CEP192: variants seen among roughly 807,000 people sequenced by gnomAD.
CEP192 encodes centrosomal protein 192, also known as centrosomal protein of 192 kDa.
A neutral mutation model predicts 271.8 loss-of-function variants in CEP192; 151 were observed. The observed-to-expected ratio is 0.56, with a 90% confidence interval of 0.49 to 0.64. The LOEUF (loss-of-function observed/expected upper bound fraction) is 0.64, where lower values mean the gene tolerates loss of function less well. Among genes scored for constraint, CEP192 ranks in the 30% least tolerant of loss-of-function variants. The pLI is 0.00. For missense variants in CEP192, 2,910 were observed against 3,020.5 expected, an observed-to-expected ratio of 0.96 and a Z score of 0.86; for synonymous variants, 995 against 1,076.5, an observed-to-expected ratio of 0.92 and a Z score of 1.48.
At chr18:13,065,265 A>G (rs1265135178) in intron 21 of CEP192, among the ~76,000 whole-genome samples, 1 of 152,094 alleles carries the variant, frequency 6.6e-6, no homozygotes, top group Admixed American at 6.6e-5. Flanking sequence ...TAGACAAGAT[A>G]ATTTCCCAAG....
chr18:13,083,136 T>G (rs2038712969), intron 30 of CEP192, among the ~76,000 whole-genome samples: 1 of 152,198 alleles, frequency 6.6e-6, no homozygotes, highest in Admixed American at 6.5e-5. Context: ...TTTGTGGTGT[T>G]CTCTGTATTT....
intron 15 of CEP192, among the ~76,000 whole-genome samples, chr18:13,046,218 A>G (rs989866665): frequency 6.6e-6 from 1 of 152,110 alleles, no homozygotes; most frequent in Non-Finnish European, 1.5e-5. Flanking sequence ...AAGGTGCCAC[A>G]CACTTCAAAC....
At chr18:13,103,786 G>A (rs2039827136) in intron 39 of CEP192, 198 bp downstream of exon 39, 2 of 630,862 alleles carry the variant, frequency 3.2e-6, no homozygotes, top group East Asian at 3.2e-5. Flanking sequence ...AACCTCCCAG[G>A]CTCAAGCAAT....
At chr18:13,093,384 C>T (rs58586405) in intron 34 of CEP192, among the ~76,000 whole-genome samples, 5,334 of 152,300 alleles carry the variant, frequency 0.035, 284 homozygotes, top group African/African-American at 0.12. Context: ...AATCTAACAT[C>T]ACATGATGCA....
In CEP192 at chr18:13,029,879, G is replaced by A. The variant is rs1483888999; in HGVS notation, c.1267G>A (p.Val423Met). ...ETPTVSIQEN[V>M]DVASLKPISD... ...TCCTACGGTGTCCATTCAAGAAAATGTGGATGTAGCCTCTTTGAAGCCCAT... is the reference window on the plus strand; with the variant it reads ...TCCTACGGTGTCCATTCAAGAAAATATGGATGTAGCCTCTTTGAAGCCCAT... Residue 423 changes from valine to methionine, a missense_variant, in exon 10 of 45, where the codon GTG (valine) becomes ATG (methionine). Physicochemically the swap from Val to Met is conservative, Grantham distance 21. Transcript: ENST00000506447. 3 of 1,551,720 alleles carry A rather than the reference G, an allele frequency of 1.9e-6. No homozygotes were observed. The highest frequency in any genetic ancestry group is 2.6e-6 in the Non-Finnish European group (3 of 1,146,984).
intron 21 of CEP192, among the ~76,000 whole-genome samples, chr18:13,066,122 G>C (rs142948578): frequency 8.3e-4 from 127 of 152,196 alleles, no homozygotes; most frequent in African/African-American, 3.0e-3. Context: ...CCTTCAACTA[G>C]ATAAAGACAG....
At chr18:13,062,611 G>T (rs943268822) in intron 21 of CEP192, among the ~76,000 whole-genome samples, 5 of 150,562 alleles carry the variant, frequency 3.3e-5, no homozygotes, top group African/African-American at 1.2e-4. Flanking sequence ...TTTTTTGTGG[G>T]TACCTAAATA....
chr18:13,101,924 C>T (rs936994742), intron 38 of CEP192, among the ~76,000 whole-genome samples: 2 of 152,156 alleles, frequency 1.3e-5, no homozygotes, highest in African/African-American at 2.4e-5. Context: ...TCACAGGCTT[C>T]CATGACTGCC....
chr18:12,993,882 A>G (rs1434764509), intron 1 of CEP192, among the ~76,000 whole-genome samples: 2 of 152,246 alleles, frequency 1.3e-5, no homozygotes, highest in East Asian at 1.9e-4. Flanking sequence ...ACTAGGGGTT[A>G]TAGATTCTTT....
In CEP192 at chr18:13,055,884, T is replaced by C; in HGVS notation, c.3294T>C (p.Asn1098=). 6.2e-7 allele frequency: 1 copy of C among 1,613,780 alleles called. No individual in the cohort carries two copies. Among genetic ancestry groups the C allele is most frequent in the African/African-American group, 1.3e-5 (1 of 75,010 alleles). ...EKLREKVPFQ[N]RGKGTLSSII... is the part of the protein sequence containing the mutation. ...TGAGAGAAAAAGTTCCATTTCAGAA[T>C]AGAGGAAAAGGAACATTATCATCTA... Residue 1098 remains asparagine (N), a synonymous_variant, in exon 19 of 45, where the codon AAT becomes AAC. Transcript: ENST00000506447.
rs2037268978 is a variant in CEP192, at chr18:13,059,064, T to C, written c.4258-18T>C. On this transcript the variant is annotated intron_variant, in intron 20 of 44. Coordinates refer to ENST00000506447, the MANE Select transcript of CEP192 (RefSeq NM_032142.4). ...GTGTGAAGCCATTAATAACGAACTT[T>C]ATGGCTCTTTTTTGAAGGTGGATCT... 2 of 1,550,830 alleles carry C rather than the reference T, an allele frequency of 1.3e-6. No homozygotes were observed. Among genetic ancestry groups the C allele is most frequent in the South Asian group, 1.1e-5 (1 of 89,672 alleles).
Position 12,999,407 on chromosome 18 carries a change from T to C in CEP192, c.-4-14T>C, listed in dbSNP as rs1372483535. 6.6e-7 allele frequency: 1 copy of C among 1,510,340 alleles called. No homozygotes were observed. Among genetic ancestry groups the C allele is most frequent in the Admixed American group, 2.2e-5 (1 of 44,510 alleles). 93.6% of individuals were successfully genotyped at this position (1,510,340 alleles called of 1,614,324 possible). On this transcript the variant is annotated splice_polypyrimidine_tract_variant and intron_variant, in intron 1 of 44. Coordinates refer to ENST00000506447, the MANE Select transcript of CEP192 (RefSeq NM_032142.4). ...AGTAATATGTGACCTATAGAAATAC[T>C]TTTGTTATTGCAGTGAGATGGAAGA...
In CEP192 at chr18:13,046,081, C is replaced by G. The variant is rs139473279; in HGVS notation, c.2068-2778C>G. Among the ~76,000 whole-genome samples the G allele has an allele frequency of 1.9e-3, 288 of 152,232 alleles. 6 individuals are homozygous for G. In the East Asian group the frequency reaches 0.037, roughly 19 times the overall value. Reference sequence around the variant, plus strand: ...AAAGAGGTTTAACGGGCCCATAGTTCTGCAGGCTGTATAGGAAGTGTGGTG... The same window carrying G: ...AAAGAGGTTTAACGGGCCCATAGTTGTGCAGGCTGTATAGGAAGTGTGGTG... On this transcript the variant is annotated intron_variant, in intron 15 of 44. Transcript: ENST00000506447.
chr18:13,080,649 C>A (rs1379953824), intron 30 of CEP192, among the ~76,000 whole-genome samples: 1 of 152,302 alleles, frequency 6.6e-6, no homozygotes, highest in African/African-American at 2.4e-5. Flanking sequence ...TGCCTGATTG[C>A]CCTGGCCAGA....
intron 21 of CEP192, among the ~76,000 whole-genome samples, chr18:13,062,042 G>A (rs2037435725): frequency 6.6e-6 from 1 of 152,176 alleles, no homozygotes; most frequent in African/African-American, 2.4e-5. Context: ...GTCCCGAGCG[G>A]CTCACATATA....
intron 6 of CEP192, 69 bp from the exon 7 acceptor site, chr18:13,017,119 T>C: frequency 7.6e-7 from 1 of 1,311,174 alleles, no homozygotes; most frequent in Non-Finnish European, 1.0e-6. Context: ...TATCGGCCTT[T>C]TTAATTACAA....
In CEP192 at chr18:13,056,501, T is replaced by C. The variant is rs747163680; in HGVS notation, c.3911T>C (p.Val1304Ala). ...TATCCAGCTGTTGCAGGAGAGCCTG[T>C]GCAGAACTCTGTGGCTGTGGGAATT... is the stretch of plus-strand genomic sequence containing the variant. Reference protein sequence around the residue: ...LPYPAVAGEPVQNSVAVGICL... With the variant: ...LPYPAVAGEPAQNSVAVGICL... The change falls in exon 19 of 45, where the codon GTG becomes GCG. Residue 1304 changes from valine (V) to alanine (A), a missense_variant. By Grantham distance (64) the Val-to-Ala change is moderately conservative. Transcript: ENST00000506447. The C allele has an allele frequency of 6.2e-7, 1 of 1,614,240 alleles. No individual in the cohort carries two copies. Among genetic ancestry groups the C allele is most frequent in the Non-Finnish European group, 8.5e-7 (1 of 1,180,030 alleles).
intron 9 of CEP192, among the ~76,000 whole-genome samples, chr18:13,025,500 A>G (rs1336215315): frequency 6.6e-6 from 1 of 152,198 alleles, no homozygotes; most frequent in Non-Finnish European, 1.5e-5. Flanking sequence ...TACAGGGGCC[A>G]GCCACTGTGC....
In CEP192 at chr18:13,122,739, C is replaced by T. The variant is rs540057264; in HGVS notation, c.7476-1893C>T. 3.9e-5 allele frequency among the ~76,000 whole-genome samples: 6 copies of T among 152,276 alleles called. No individual in the cohort carries two copies. The South Asian group carries it at 8.3e-4, about 21-fold the overall frequency. On this transcript the variant is annotated intron_variant, in intron 44 of 44. Transcript: ENST00000506447. Reference sequence around the variant, plus strand: ...GCTCCCTAGATGCATTTCTGCTCTGCGTGCCTTTGCAATTACATCTATCAT... The same window carrying T: ...GCTCCCTAGATGCATTTCTGCTCTGTGTGCCTTTGCAATTACATCTATCAT...
Sources: allele counts gnomAD v4.1 joint callset (sites outside exome capture counted in the v4.1 genomes callset), GRCh38; gene constraint gnomAD v4.1.1; transcripts MANE v1.5; gene names NCBI Gene and HGNC (gene_info 2026-07-23, HGNC 2026-07-21).